The following PARD3B variants were observed in gnomAD, a reference collection of about 807,000 sequenced individuals.
The protein encoded by PARD3B is par-3 family cell polarity regulator beta.
In PARD3B, 103 loss-of-function variants were observed where a neutral mutation model predicts 130.2. The ratio of observed to expected loss-of-function variants is 0.79; its 90% CI spans 0.67 to 0.93. PARD3B has a LOEUF of 0.93. Ranked by LOEUF, PARD3B falls within the 40% of genes least tolerant of loss-of-function variation. The pLI is 0.00. For synonymous variants in PARD3B, 583 were observed against 553.2 expected (o/e 1.05, Z -0.76); for missense variants, 1,609 against 1,499.2 (o/e 1.07, Z -1.21).
intron 2 of PARD3B, among the ~76,000 whole-genome samples, chr2:204,842,290 T>G (rs918496768): frequency 3.3e-5 from 5 of 152,170 alleles, no homozygotes; most frequent in Admixed American, 1.3e-4. Flanking sequence ...ATATTAGATT[T>G]GTTGACACCA....
At chr2:205,275,835 C>T (rs1435068373) in intron 16 of PARD3B, among the ~76,000 whole-genome samples, 3 of 61,196 alleles carry the variant, frequency 4.9e-5, no homozygotes, top group African/African-American at 9.0e-5. Context: ...GAAACTTTGT[C>T]TCAAAAAAAA....
In PARD3B at chr2:204,691,607, A is replaced by G. The variant is rs1170931506; in HGVS notation, c.222+5325A>G. On this transcript the variant is annotated intron_variant, in intron 2 of 22. Coordinates refer to ENST00000406610, the MANE Select transcript of PARD3B (RefSeq NM_001302769.2). Reference sequence around the variant, plus strand: ...ATGTTCTTACAGGGTTGGTGTAGGAAAACTAGGTAGGTAAACTATATAAAA... The same window carrying G: ...ATGTTCTTACAGGGTTGGTGTAGGAGAACTAGGTAGGTAAACTATATAAAA... Among the ~76,000 whole-genome samples, 11 of 152,104 alleles carry G rather than the reference A, an allele frequency of 7.2e-5. No individual in the cohort carries two copies. The East Asian group carries it at 2.1e-3, about 29-fold the overall frequency.
chr2:205,233,642 T>A (rs2038939634), intron 15 of PARD3B, among the ~76,000 whole-genome samples: 1 of 152,138 alleles, frequency 6.6e-6, no homozygotes, highest in South Asian at 2.1e-4. Context: ...TACGTTCCAA[T>A]AAACCTATCA....
chr2:204,948,524 A>G (rs1689513762), intron 2 of PARD3B, among the ~76,000 whole-genome samples: 1 of 152,172 alleles, frequency 6.6e-6, no homozygotes, highest in Non-Finnish European at 1.5e-5. Flanking sequence ...ACCTTTGCCA[A>G]AAAGCTCCCA....
At chr2:204,691,222 G>A (rs2037338865) in intron 2 of PARD3B, among the ~76,000 whole-genome samples, 1 of 152,014 alleles carries the variant, frequency 6.6e-6, no homozygotes, top group African/African-American at 2.4e-5. Flanking sequence ...ATTTTTGGCT[G>A]GGTTGAAGAA....
chr2:205,401,733 A>G (rs1230533153), intron 19 of PARD3B, among the ~76,000 whole-genome samples: 1 of 152,146 alleles, frequency 6.6e-6, no homozygotes, highest in African/African-American at 2.4e-5. Context: ...CGTATCTTTG[A>G]TGTTAACTCT....
intron 1 of PARD3B, among the ~76,000 whole-genome samples, chr2:204,685,315 A>C (rs960459381): frequency 1.3e-5 from 2 of 152,162 alleles, no homozygotes; most frequent in Non-Finnish European, 2.9e-5. Context: ...AATTGATTAT[A>C]GCTTGGGGAT....
chr2:204,751,554 T>A (rs1372623662), intron 2 of PARD3B, among the ~76,000 whole-genome samples: 1 of 152,208 alleles, frequency 6.6e-6, no homozygotes, highest in Non-Finnish European at 1.5e-5. Flanking sequence ...AAACCTTCAA[T>A]CCCTACTGAA....
intron 1 of PARD3B, among the ~76,000 whole-genome samples, chr2:204,614,424 C>T (rs1228096217): frequency 6.6e-6 from 1 of 152,050 alleles, no homozygotes; most frequent in African/African-American, 2.4e-5. Context: ...TAGTCACCAC[C>T]ATGTGGACAG....
intron 2 of PARD3B, among the ~76,000 whole-genome samples, chr2:204,804,762 A>G (rs1218337861): frequency 6.6e-6 from 1 of 152,220 alleles, no homozygotes; most frequent in African/African-American, 2.4e-5. Context: ...ACTTTCAAAA[A>G]CAATGAAATA....
rs1423917565 is a variant in PARD3B at position 205,178,231 on chromosome 2, A to AG, written c.1924+1654_1924+1655insG. 1.1e-3 allele frequency among the ~76,000 whole-genome samples: 146 copies of AG among 136,490 alleles called. 1 individual carries two copies. The highest frequency in any genetic ancestry group is 4.1e-3 in the African/African-American group (141 of 34,368). The allele number at this position is 136,490 out of a possible 152,430, so 89.5% of individuals were successfully genotyped here. A position where few individuals can be genotyped will look rare whatever the true frequency, so the allele number is the denominator to read the frequency against. ...TAATCCCAGCTACTATGGGGGGGGAAAAAAAAAAGAAGAAGCTGACTTTAC... is the reference window on the plus strand; with the variant it reads ...TAATCCCAGCTACTATGGGGGGGGAAGAAAAAAAAGAAGAAGCTGACTTTAC... On this transcript the variant is annotated intron_variant, in intron 13 of 22. Transcript: ENST00000406610.
At chr2:205,210,920 A>T (rs1195646875) in intron 15 of PARD3B, among the ~76,000 whole-genome samples, 1 of 152,124 alleles carries the variant, frequency 6.6e-6, no homozygotes, top group African/African-American at 2.4e-5. Context: ...TCTACATTAA[A>T]GATCAAATTT....
At chr2:204,732,196 C>T (rs1053209436) in intron 2 of PARD3B, among the ~76,000 whole-genome samples, 1 of 151,910 alleles carries the variant, frequency 6.6e-6, no homozygotes, top group Non-Finnish European at 1.5e-5. Flanking sequence ...TCACCACAAG[C>T]AGTTGTACAA....
intron 2 of PARD3B, among the ~76,000 whole-genome samples, chr2:204,798,254 G>A (rs979278980): frequency 2.0e-5 from 3 of 152,010 alleles, no homozygotes; most frequent in Non-Finnish European, 4.4e-5. Context: ...GAGAGAACGC[G>A]GTTCCTTTGG....
intron 18 of PARD3B, among the ~76,000 whole-genome samples, chr2:205,396,437 G>A (rs1319803867): frequency 6.6e-6 from 1 of 152,178 alleles, no homozygotes; most frequent in East Asian, 1.9e-4. Flanking sequence ...AGTAAGGAAA[G>A]AAGAAAGATT....
intron 2 of PARD3B, among the ~76,000 whole-genome samples, chr2:204,814,883 T>C (rs557580324): frequency 1.4e-4 from 21 of 152,046 alleles, no homozygotes; most frequent in African/African-American, 4.6e-4. Flanking sequence ...CAATTAATTT[T>C]TGAATGTTAA....
At chr2:205,149,721 G>A (rs2033615033) in intron 10 of PARD3B, among the ~76,000 whole-genome samples, 1 of 152,208 alleles carries the variant, frequency 6.6e-6, no homozygotes, top group East Asian at 1.9e-4. Flanking sequence ...AATGCAGCCT[G>A]TTGCTAAAAC....
At chr2:205,354,743 A>C (rs1370047247) in intron 18 of PARD3B, among the ~76,000 whole-genome samples, 1 of 152,216 alleles carries the variant, frequency 6.6e-6, no homozygotes, top group African/African-American at 2.4e-5. Flanking sequence ...AAAAAATATT[A>C]GAACTGCGCA....
intron 20 of PARD3B, among the ~76,000 whole-genome samples, chr2:205,468,500 T>A (rs1029604816): frequency 6.6e-6 from 1 of 152,220 alleles, no homozygotes; most frequent in Admixed American, 6.5e-5. Context: ...CTTTTCTTCA[T>A]GACTATTGCT....
Sources: allele counts gnomAD v4.1 joint callset (sites outside exome capture counted in the v4.1 genomes callset), GRCh38; gene constraint gnomAD v4.1.1; transcripts MANE v1.5; gene names NCBI Gene and HGNC (gene_info 2026-07-23, HGNC 2026-07-21).